Variants in TJP1 observed in about 807,000 individuals in gnomAD.
TJP1 encodes the protein tight junction protein ZO-1.
Under a neutral mutation model 194.2 loss-of-function variants are expected in TJP1, and 43 were observed. The observed-to-expected ratio is 0.22, with a 90% CI of 0.17 to 0.29. The LOEUF (loss-of-function observed/expected upper bound fraction) is 0.29. TJP1 is among the 10% of genes least tolerant of loss of function. The pLI, the probability that TJP1 is intolerant of heterozygous loss-of-function variation, is 1.00. For synonymous variants in TJP1, 801 were observed against 779.0 expected (o/e 1.03, Z -0.47); for missense variants, 1,971 against 2,185.7 (o/e 0.90, Z 1.96).
chr15:29,779,146 G>C (rs1011847494), intron 2 of TJP1, among the ~76,000 whole-genome samples: 1 of 152,172 alleles, frequency 6.6e-6, no homozygotes, highest in African/African-American at 2.4e-5. Context: ...CCAGGAACCA[G>C]TTGGCAGCTC....
intron 25 of TJP1, among the ~76,000 whole-genome samples, chr15:29,707,868 G>A (rs1293813620): frequency 6.6e-6 from 1 of 152,148 alleles, no homozygotes; most frequent in Non-Finnish European, 1.5e-5. Context: ...CTTACCAGTA[G>A]GTCAGGAGGT....
chr15:29,755,052 C>A (rs892296705), intron 8 of TJP1, among the ~76,000 whole-genome samples: 2 of 152,212 alleles, frequency 1.3e-5, no homozygotes, highest in African/African-American at 4.8e-5. Flanking sequence ...ATGGACCCCA[C>A]AGACAATAGT....
chr15:29,783,659 G>A (rs566385410), intron 2 of TJP1, among the ~76,000 whole-genome samples: 2 of 152,356 alleles, frequency 1.3e-5, no homozygotes, highest in African/African-American at 4.8e-5. Context: ...TCCTTTGCAA[G>A]AACACGGGTG....
At chr15:29,918,581 C>CA (rs1233701134) in intron 2 of TJP1, among the ~76,000 whole-genome samples, 1 of 151,926 alleles carries the variant, frequency 6.6e-6, no homozygotes. Flanking sequence ...CAAAAAATTA[C>CA]AAAAAAATTA....
intron 24 of TJP1, among the ~76,000 whole-genome samples, chr15:29,710,271 A>G (rs965175370): frequency 1.3e-5 from 2 of 152,224 alleles, no homozygotes; most frequent in East Asian, 1.9e-4. Context: ...ATCCAGAACT[A>G]TAACACATCT....
At chr15:29,701,760 G>T in intron 27 of TJP1, 71 bp from the exon 28 acceptor site, 1 of 1,071,540 alleles carries the variant, frequency 9.3e-7, no homozygotes, top group East Asian at 2.4e-5. Flanking sequence ...TGCAATTATA[G>T]GGCAAATACG....
intron 2 of TJP1, among the ~76,000 whole-genome samples, chr15:29,854,371 G>C (rs2051763667): frequency 6.6e-6 from 1 of 152,148 alleles, no homozygotes; most frequent in African/African-American, 2.4e-5. Context: ...ATTTGGGGCT[G>C]AAGAGATCAT....
chr15:29,737,974 C>T (rs974213342), intron 10 of TJP1, among the ~76,000 whole-genome samples: 1 of 152,074 alleles, frequency 6.6e-6, no homozygotes, highest in Non-Finnish European at 1.5e-5. Context: ...CTCTGCTGCC[C>T]CTCTGAGTTT....
intron 2 of TJP1, among the ~76,000 whole-genome samples, chr15:29,781,887 A>G (rs564923854): frequency 1.3e-5 from 2 of 152,350 alleles, no homozygotes; most frequent in Admixed American, 1.3e-4. Flanking sequence ...AAAAGCTGGA[A>G]GCATTCTCCT....
At chr15:29,818,670 ATTTTTT>A (rs11312672) in intron 1 of TJP1, among the ~76,000 whole-genome samples, 3 of 124,714 alleles carry the variant, frequency 2.4e-5, no homozygotes, top group Non-Finnish European at 5.1e-5. Context: ...AGGCCCGGCT[ATTTTTT>A]TTTTTTTTTT....
chr15:29,805,964 G>T (rs1221067462), intron 1 of TJP1, among the ~76,000 whole-genome samples: 1 of 152,150 alleles, frequency 6.6e-6, no homozygotes, highest in Non-Finnish European at 1.5e-5. Context: ...ACAATTTATG[G>T]AACAAGGAGA....
At chr15:29,951,840 A>G (rs928457778) in intron 2 of TJP1, among the ~76,000 whole-genome samples, 1 of 152,180 alleles carries the variant, frequency 6.6e-6, no homozygotes, top group Non-Finnish European at 1.5e-5. Flanking sequence ...CTAGATTTAC[A>G]CCCACAAAGC....
At chr15:29,912,107 C>T (rs570122300) in intron 2 of TJP1, among the ~76,000 whole-genome samples, 1 of 152,274 alleles carries the variant, frequency 6.6e-6, no homozygotes, top group South Asian at 2.1e-4. Flanking sequence ...CCGCTTCCTG[C>T]TTTGTAGATG....
At chr15:29,797,191 C>T (rs772076060) in intron 2 of TJP1, among the ~76,000 whole-genome samples, 2 of 152,164 alleles carry the variant, frequency 1.3e-5, no homozygotes, top group Non-Finnish European at 2.9e-5. Context: ...CTCTGTCTCC[C>T]ATGCTGGAGT....
intron 2 of TJP1, among the ~76,000 whole-genome samples, chr15:29,773,863 C>T (rs535398078): frequency 3.5e-4 from 53 of 152,322 alleles, no homozygotes; most frequent in Non-Finnish European, 7.1e-4. Flanking sequence ...GCCTTGTGCA[C>T]ACTATACAAT....
intron 8 of TJP1, among the ~76,000 whole-genome samples, chr15:29,751,164 G>C (rs1473307311): frequency 6.6e-6 from 1 of 152,226 alleles, no homozygotes; most frequent in African/African-American, 2.4e-5. Flanking sequence ...CTGGGGATGA[G>C]AAAGCAAGAG....
At chr15:29,840,403 G>T (rs1266456040) in intron 2 of TJP1, among the ~76,000 whole-genome samples, 1 of 152,200 alleles carries the variant, frequency 6.6e-6, no homozygotes, top group East Asian at 1.9e-4. Flanking sequence ...CTGAAGAGAT[G>T]TTATTAAGTT....
chr15:29,838,229 A>G (rs1596077025), intron 2 of TJP1, among the ~76,000 whole-genome samples: 1 of 152,206 alleles, frequency 6.6e-6, no homozygotes, highest in Non-Finnish European at 1.5e-5. Context: ...GTTCAAGACT[A>G]GTCTGGCCAA....
At position 29,861,182 on chromosome 15, in the gene TJP1, C is replaced by T. The variant is rs2052067251; in HGVS notation, c.307-60480G>A. The stretch of plus-strand genomic sequence containing the variant: ...GAAATTGCTGGTTCATATGACAACT[C>T]TTATGTTTAACATAGACCTGCAAAC... On this transcript the variant is annotated intron_variant, in intron 2 of 28. Transcript: ENST00000356107. Among the ~76,000 whole-genome samples the T allele has an allele frequency of 5.9e-5, 9 of 152,244 alleles. No individual in the cohort carries two copies. The South Asian group carries it at 1.9e-3, about 32-fold the overall frequency.
Sources: allele counts gnomAD v4.1 joint callset (sites outside exome capture counted in the v4.1 genomes callset), GRCh38; gene constraint gnomAD v4.1.1; transcripts MANE v1.5; gene names NCBI Gene and HGNC (gene_info 2026-07-23, HGNC 2026-07-21).